The following SLC9A8 variants were observed in gnomAD, a reference collection of about 807,000 sequenced individuals.
The protein encoded by SLC9A8 is solute carrier family 9 member A8.
A neutral mutation model predicts 66.6 loss-of-function variants in SLC9A8; 48 were observed. The observed-to-expected ratio is 0.72, with a 90% confidence interval of 0.57 to 0.92. The LOEUF (loss-of-function observed/expected upper bound fraction) is 0.92, where lower values mean the gene tolerates loss of function less well. Among genes scored for constraint, SLC9A8 ranks in the 40% least tolerant of loss-of-function variants. The probability of loss-of-function intolerance (pLI) is 0.00; values close to 1 mark genes in which losing one functional copy is unlikely to be tolerated. For synonymous variants in SLC9A8, 274 were observed against 282.6 expected (o/e 0.97, Z 0.31); for missense variants, 599 against 747.3 (o/e 0.80, Z 2.31).
chr20:49,875,424 G>A (rs904092551), intron 11 of SLC9A8, among the ~76,000 whole-genome samples: 1 of 152,164 alleles, frequency 6.6e-6, no homozygotes, highest in Non-Finnish European at 1.5e-5. Flanking sequence ...GGGGGATATA[G>A]TTATAGAATT....
At chr20:49,826,025 C>T in intron 3 of SLC9A8, among the ~76,000 whole-genome samples, 1 of 152,194 alleles carries the variant, frequency 6.6e-6, no homozygotes, top group East Asian at 1.9e-4. Flanking sequence ...CTACAAGGTT[C>T]ATTTCTTCAC....
chr20:49,873,505 G>T (rs1251167032), intron 10 of SLC9A8, among the ~76,000 whole-genome samples: 1 of 143,074 alleles, frequency 7.0e-6, no homozygotes, highest in Non-Finnish European at 1.5e-5. Flanking sequence ...AAAAAAAGAG[G>T]CCGGGCATGT....
chr20:49,835,989 T>C (rs965433873), intron 3 of SLC9A8, among the ~76,000 whole-genome samples: 1 of 152,104 alleles, frequency 6.6e-6, no homozygotes, highest in African/African-American at 2.4e-5. Context: ...ATTTTAAATG[T>C]ACAACAATTT....
intron 3 of SLC9A8, among the ~76,000 whole-genome samples, chr20:49,833,670 G>A (rs1404090693): frequency 2.0e-5 from 3 of 152,216 alleles, no homozygotes; most frequent in South Asian, 4.1e-4. Flanking sequence ...CGAGCCAACG[G>A]GCCAGCATCC....
intron 1 of SLC9A8, among the ~76,000 whole-genome samples, chr20:49,814,567 C>T (rs898193642): frequency 2.6e-5 from 4 of 152,158 alleles, no homozygotes; most frequent in Non-Finnish European, 5.9e-5. Context: ...TAGGGTAGGG[C>T]ATGCCCAGAT....
chr20:49,824,639 C>G (rs946888917), intron 3 of SLC9A8, among the ~76,000 whole-genome samples: 1 of 152,188 alleles, frequency 6.6e-6, no homozygotes, highest in African/African-American at 2.4e-5. Flanking sequence ...GTCTGGGTAA[C>G]TGCAGCTTGC....
At chr20:49,826,757 TAAAC>T (rs756973384) in intron 3 of SLC9A8, among the ~76,000 whole-genome samples, 2 of 152,220 alleles carry the variant, frequency 1.3e-5, no homozygotes, top group African/African-American at 4.8e-5. Flanking sequence ...TTTGCACAGT[TAAAC>T]AACTACTATA....
rs1479055075 is a variant in SLC9A8, at chr20:49,834,214, T to TATACAC, written c.290-5326_290-5325insTACACA. On this transcript the variant is annotated intron_variant, in intron 3 of 15. Coordinates refer to ENST00000361573, the MANE Select transcript of SLC9A8 (RefSeq NM_015266.3). ...ATATATATATATATATATATATATA[T>TATACAC]ACACACACACACTATGTATATACAC... 6.9e-4 allele frequency among the ~76,000 whole-genome samples: 77 copies of TATACAC among 112,116 alleles called. 2 individuals carry two copies. The highest frequency in any genetic ancestry group is 4.5e-3 in the Middle Eastern group (1 of 224). 73.6% of individuals were successfully genotyped at this position (112,116 alleles called of 152,430 possible).
intron 3 of SLC9A8, among the ~76,000 whole-genome samples, chr20:49,831,600 G>A (rs776354617): frequency 3.9e-4 from 59 of 152,152 alleles, no homozygotes; most frequent in Non-Finnish European, 4.4e-5. Flanking sequence ...AGAGGCTATA[G>A]TCATGTCCAC....
chr20:49,863,695 C>G lies in SLC9A8; in HGVS notation c.852+628C>G, dbSNP rs547367933. On this transcript the variant is annotated intron_variant, in intron 9 of 15. Transcript: ENST00000361573. ...TGCACTGATTTTGTTGTTTGACAAC[C>G]AATAAGCTTTTCCAGCTGGAGATGG... Among the ~76,000 whole-genome samples, 4 of 152,324 alleles carry G rather than the reference C, an allele frequency of 2.6e-5. No homozygotes were observed. The South Asian group carries it at 8.3e-4, about 32-fold the overall frequency.
At chr20:49,871,422 C>T (rs977668019) in intron 10 of SLC9A8, among the ~76,000 whole-genome samples, 2 of 152,208 alleles carry the variant, frequency 1.3e-5, no homozygotes, top group Admixed American at 1.3e-4. Context: ...AACGCTTTTG[C>T]TGCATTTGCT....
intron 13 of SLC9A8, among the ~76,000 whole-genome samples, chr20:49,881,290 ACT>A (rs911416162): frequency 7.2e-5 from 11 of 151,960 alleles, no homozygotes; most frequent in African/African-American, 2.7e-4. Flanking sequence ...GATTTCTGCC[ACT>A]CTCTTCTGAA....
chr20:49,813,209 A>G (rs1248090568), intron 1 of SLC9A8, among the ~76,000 whole-genome samples: 1 of 152,248 alleles, frequency 6.6e-6, no homozygotes, highest in Admixed American at 6.5e-5. Context: ...TGCGGAAAAT[A>G]CAAACCATAT....
chr20:49,825,728 C>G (rs559698611), intron 3 of SLC9A8, among the ~76,000 whole-genome samples: 2 of 152,284 alleles, frequency 1.3e-5, no homozygotes, highest in Non-Finnish European at 2.9e-5. Context: ...GTAGTATTAG[C>G]TTGAGACTTA....
chr20:49,840,359 A>G (rs977429492), intron 4 of SLC9A8, among the ~76,000 whole-genome samples: 2 of 152,218 alleles, frequency 1.3e-5, no homozygotes, highest in Non-Finnish European at 2.9e-5. Context: ...CAAGTATGCT[A>G]CAAAATTGAT....
chr20:49,828,540 T>TA lies in SLC9A8; in HGVS notation c.289+5413dup, dbSNP rs772428822. Among the ~76,000 whole-genome samples the TA allele has an allele frequency of 5.8e-3, 741 of 128,496 alleles. 2 individuals are homozygous for TA. Among genetic ancestry groups the TA allele is most frequent in the African/African-American group, 0.014 (497 of 35,172 alleles). The allele number at this position is 128,496 out of a possible 152,430, so 84.3% of individuals were successfully genotyped here. On this transcript the variant is annotated intron_variant, in intron 3 of 15. Transcript: ENST00000361573. ...GCCTGGCCAAAAAATTGTTTTTAAT[T>TA]AAAAAAAAAAAAAAGGGCCTGGCAC...
chr20:49,817,985 C>G (rs2086615688), intron 2 of SLC9A8, among the ~76,000 whole-genome samples: 1 of 151,898 alleles, frequency 6.6e-6, no homozygotes, highest in Non-Finnish European at 1.5e-5. Flanking sequence ...TCTATTTACA[C>G]TGCTGTCAAT....
intron 1 of SLC9A8, 95 bp downstream of exon 1, chr20:49,813,043 G>GGCCT: frequency 8.6e-7 from 1 of 1,161,384 alleles, no homozygotes; most frequent in Non-Finnish European, 1.1e-6. Flanking sequence ...CCCGGAAGGC[G>GGCCT]GAGCTTCTTT....
At chr20:49,861,168 G>A (rs556346915) in intron 8 of SLC9A8, among the ~76,000 whole-genome samples, 16 of 152,302 alleles carry the variant, frequency 1.1e-4, no homozygotes, top group African/African-American at 3.9e-4. Context: ...GAGAGGTATG[G>A]CAGGCAGGAG....
Sources: gnomAD v4.1 joint callset for allele counts (sites outside exome capture counted in the v4.1 genomes callset) on GRCh38, gnomAD v4.1.1 for gene constraint, MANE v1.5 for transcripts, NCBI Gene and HGNC (gene_info 2026-07-23, HGNC 2026-07-21) for gene names.